The following COP1 variants were observed in gnomAD, a reference collection of about 807,000 sequenced individuals.
COP1 encodes the protein E3 ubiquitin-protein ligase COP1.
COP1 carries 24 observed loss-of-function variants against 101.3 expected under a neutral mutation model. The observed-to-expected ratio is 0.24, with a 90% confidence interval of 0.17 to 0.33. The LOEUF is 0.33. Ranked by LOEUF, COP1 falls within the 10% of genes least tolerant of loss-of-function variation. The pLI, the probability that COP1 is intolerant of heterozygous loss-of-function variation, is 1.00. For synonymous variants in COP1, 347 were observed against 341.9 expected (o/e 1.01, Z -0.17); for missense variants, 663 against 906.2 (o/e 0.73, Z 3.45).
intron 14 of COP1, among the ~76,000 whole-genome samples, chr1:176,030,076 T>C (rs1668405965): frequency 1.3e-5 from 2 of 152,208 alleles, no homozygotes; most frequent in South Asian, 4.1e-4. Context: ...GTCAGCCTCC[T>C]GAGTAACTGG....
chr1:176,127,839 G>C (rs192899822), intron 8 of COP1, among the ~76,000 whole-genome samples: 2 of 152,108 alleles, frequency 1.3e-5, no homozygotes, highest in Non-Finnish European at 2.9e-5. Flanking sequence ...CAATGTAGCT[G>C]TACTATTTAC....
chr1:176,081,605 A>G (rs1012445942), intron 10 of COP1, among the ~76,000 whole-genome samples: 2 of 152,030 alleles, frequency 1.3e-5, no homozygotes, highest in East Asian at 1.9e-4. Flanking sequence ...AAATCCATCA[A>G]TGGAGAATGT....
chr1:176,156,222 G>A (rs963406275), intron 5 of COP1, among the ~76,000 whole-genome samples: 1 of 152,100 alleles, frequency 6.6e-6, no homozygotes, highest in Non-Finnish European at 1.5e-5. Flanking sequence ...TGTCCTTGAA[G>A]TAGCATACTA....
intron 11 of COP1, among the ~76,000 whole-genome samples, chr1:176,048,047 T>C (rs914148144): frequency 4.0e-5 from 6 of 151,432 alleles, no homozygotes; most frequent in African/African-American, 1.5e-4. Context: ...CACTCCAGCC[T>C]GGGTGACACA....
chr1:176,008,298 C>T (rs908345706), intron 15 of COP1, among the ~76,000 whole-genome samples: 2 of 152,156 alleles, frequency 1.3e-5, no homozygotes, highest in Admixed American at 6.5e-5. Flanking sequence ...AGAAATCACC[C>T]ATCTTCTGCG....
intron 15 of COP1, among the ~76,000 whole-genome samples, chr1:176,006,774 C>G (rs949787752): frequency 6.6e-6 from 1 of 152,028 alleles, no homozygotes; most frequent in African/African-American, 2.4e-5. Context: ...CTCTGGCTGC[C>G]CTTAACATTT....
intron 9 of COP1, among the ~76,000 whole-genome samples, chr1:176,099,468 A>G (rs1239283196): frequency 1.3e-5 from 2 of 151,526 alleles, no homozygotes; most frequent in Non-Finnish European, 2.9e-5. Context: ...ATAAATGAGT[A>G]TGGCACACTC....
chr1:176,058,693 C>G (rs1184312959), intron 11 of COP1, among the ~76,000 whole-genome samples: 3 of 151,634 alleles, frequency 2.0e-5, no homozygotes, highest in African/African-American at 7.3e-5. Flanking sequence ...GACCTTCCCT[C>G]CACTATTGTC....
intron 3 of COP1, among the ~76,000 whole-genome samples, chr1:176,170,173 T>TC (rs932437515): frequency 9.2e-5 from 14 of 152,216 alleles, no homozygotes; most frequent in African/African-American, 3.4e-4. Flanking sequence ...CTTGAACCCT[T>TC]CAAAGTCATC....
chr1:175,980,554 CAG>C (rs1490703480), intron 18 of COP1, among the ~76,000 whole-genome samples: 1 of 152,094 alleles, frequency 6.6e-6, no homozygotes, highest in Non-Finnish European at 1.5e-5. Context: ...CACTTGGTTT[CAG>C]AGAGGGGAAA....
chr1:175,996,159 T>A (rs1244246787), intron 15 of COP1, among the ~76,000 whole-genome samples: 1 of 152,322 alleles, frequency 6.6e-6, no homozygotes, highest in African/African-American at 2.4e-5. Context: ...CATGGTTACC[T>A]CAATAGATGC....
chr1:176,058,349 T>A (rs1451361290), intron 11 of COP1, among the ~76,000 whole-genome samples: 1 of 152,122 alleles, frequency 6.6e-6, no homozygotes, highest in African/African-American at 2.4e-5. Flanking sequence ...GGGAAAAGAT[T>A]GAGAAATCGG....
chr1:176,175,848 C>A, intron 3 of COP1, 62 bp downstream of exon 3: 1 of 904,420 alleles, frequency 1.1e-6, no homozygotes. Context: ...AATAAATTAG[C>A]GCTAGCACAC....
At chr1:176,030,421 T>C (rs1216784053) in intron 14 of COP1, among the ~76,000 whole-genome samples, 2 of 152,172 alleles carry the variant, frequency 1.3e-5, no homozygotes, top group Admixed American at 6.6e-5. Flanking sequence ...ACCCCACTTA[T>C]AATCACTAAA....
At chr1:176,191,693 C>G (rs1382862970) in intron 1 of COP1, among the ~76,000 whole-genome samples, 1 of 152,066 alleles carries the variant, frequency 6.6e-6, no homozygotes, top group Non-Finnish European at 1.5e-5. Context: ...CAGTCTATGT[C>G]CCATCATCTC....
chr1:176,056,266 A>C (rs1673464409), intron 11 of COP1, among the ~76,000 whole-genome samples: 1 of 152,196 alleles, frequency 6.6e-6, no homozygotes. Flanking sequence ...TATATTCTTT[A>C]TAAATGTTTG....
intron 8 of COP1, among the ~76,000 whole-genome samples, chr1:176,123,938 T>C (rs1687567984): frequency 6.6e-6 from 1 of 152,102 alleles, no homozygotes; most frequent in African/African-American, 2.4e-5. Flanking sequence ...TGCATTTGAA[T>C]CTCTAAGATC....
intron 18 of COP1, among the ~76,000 whole-genome samples, chr1:175,980,625 T>C (rs925772850): frequency 6.6e-6 from 1 of 151,956 alleles, no homozygotes; most frequent in Non-Finnish European, 1.5e-5. Flanking sequence ...CAGAAACTTT[T>C]AATATGATTC....
chr1:176,136,336 C>A (rs763930245), intron 7 of COP1, 152 bp downstream of exon 7: 1 of 433,332 alleles, frequency 2.3e-6, no homozygotes. Flanking sequence ...TTTTTTTCTA[C>A]AAAAATTCAT....
Sources: gnomAD v4.1 joint callset for allele counts (sites outside exome capture counted in the v4.1 genomes callset) on GRCh38, gnomAD v4.1.1 for gene constraint, MANE v1.5 for transcripts, NCBI Gene and HGNC (gene_info 2026-07-23, HGNC 2026-07-21) for gene names.